The following ABCG5 variants were observed in gnomAD, a reference collection of about 807,000 sequenced individuals.
ABCG5 encodes ATP-binding cassette sub-family G member 5.
ABCG5 carries 64 observed loss-of-function variants against 64.5 expected under a neutral mutation model. The ratio of observed to expected loss-of-function variants is 0.99; its 90% CI spans 0.81 to 1.22. The LOEUF (loss-of-function observed/expected upper bound fraction) is 1.22, where lower values mean the gene tolerates loss of function less well. ABCG5 is among the 50% of genes most tolerant of loss of function. The pLI is 0.00. For missense variants in ABCG5, 908 were observed against 829.5 expected (o/e 1.09, Z -1.16); for synonymous variants, 385 against 326.3 (o/e 1.18, Z -1.94).
At chr2:43,837,982 A>C (rs773017768) in intron 1 of ABCG5, 27 bp from the exon 2 acceptor site, 18 of 1,613,012 alleles carry the variant, frequency 1.1e-5, no homozygotes, top group South Asian at 2.2e-5. Context: ...AGGAAGGCAA[A>C]GGCAGCTTGG....
intron 4 of ABCG5, chr2:43,828,562 T>C: frequency 2.9e-6 from 1 of 347,600 alleles, no homozygotes; most frequent in Non-Finnish European, 5.5e-6. Flanking sequence ...CTCAGGATGC[T>C]TAGGCAGGAG....
rs1219746511 is a variant in ABCG5 at position 43,828,084 on chromosome 2, C to T, written c.533G>A (p.Ser178Asn). The T allele has an allele frequency of 3.7e-6, 6 of 1,614,014 alleles. No individual in the cohort carries two copies. Among genetic ancestry groups the T allele is most frequent in the African/African-American group, 1.3e-5 (1 of 74,910 alleles). ...GCCAATCAGTCGGTCTGCCACATGG[C>T]TCAGACTCAGCTCTGCCATGACGGC... Reference protein sequence around the residue: ...VEAVMAELSLSHVADRLIGNY... With the variant: ...VEAVMAELSLNHVADRLIGNY... Residue 178 changes from serine (S) to asparagine (N), a missense_variant, in exon 5 of 13, where the codon AGC becomes AAC. Ser to Asn is a conservative substitution (Grantham distance 46). Coordinates refer to ENST00000405322, the MANE Select transcript of ABCG5 (RefSeq NM_022436.3).
At chr2:43,811,921 A>G (rs1398594243), downstream of ABCG5, among the ~76,000 whole-genome samples, 6 of 152,116 alleles carry the variant, frequency 3.9e-5, no homozygotes. Context: ...ACCTATTTAC[A>G]TTATTTTATC....
rs1572810229 is a variant in ABCG5 at position 43,838,348 on chromosome 2, A to G, written c.143+189T>C. On this transcript the variant is annotated intron_variant, in intron 1 of 12. Coordinates refer to ENST00000405322, the MANE Select transcript of ABCG5 (RefSeq NM_022436.3). The surrounding 1 kb of genome is among the most constrained non-coding windows in gnomAD (Gnocchi z 4.2). ...CCCAGGCCCTTCCCTGGGCAGGGGGAGGGGCCATTCACTGTCGCTCCATGT... is the reference window on the plus strand; with the variant it reads ...CCCAGGCCCTTCCCTGGGCAGGGGGGGGGGCCATTCACTGTCGCTCCATGT... The G allele has an allele frequency of 3.2e-6, 2 of 631,890 alleles. No individual in the cohort carries two copies. Among genetic ancestry groups the G allele is most frequent in the South Asian group, 2.0e-5 (1 of 50,658 alleles). The allele number at this position is 631,890 out of a possible 1,614,324, so 39.1% of individuals were successfully genotyped here. A position where few individuals can be genotyped will look rare whatever the true frequency, so the allele number is the denominator to read the frequency against.
At chr2:43,814,181 C>G (rs1013714763) in intron 12 of ABCG5, among the ~76,000 whole-genome samples, 1 of 152,136 alleles carries the variant, frequency 6.6e-6, no homozygotes, top group Non-Finnish European at 1.5e-5. Context: ...TCAGTAGATA[C>G]AGGAACTGAG....
chr2:43,816,001 G>C (rs918404120), intron 11 of ABCG5, among the ~76,000 whole-genome samples: 2 of 151,976 alleles, frequency 1.3e-5, no homozygotes, highest in African/African-American at 4.8e-5. Context: ...TGAGATGGTG[G>C]CTGCCTAGTG....
intron 4 of ABCG5, 142 bp from the exon 5 acceptor site, chr2:43,828,257 G>A (rs960103671): frequency 2.8e-6 from 3 of 1,067,600 alleles, no homozygotes; most frequent in Admixed American, 2.0e-5. Flanking sequence ...CCTGGGGAAA[G>A]CATGTCTTTG....
At chr2:43,832,263 G>T in intron 2 of ABCG5, 180 bp from the exon 3 acceptor site, 1 of 779,462 alleles carries the variant, frequency 1.3e-6, no homozygotes, top group Non-Finnish European at 2.1e-6. Context: ...CGCACTGTGC[G>T]TGCAGCAGTC....
intron 2 of ABCG5, among the ~76,000 whole-genome samples, chr2:43,834,967 A>G (rs1461942955): frequency 6.6e-6 from 1 of 152,252 alleles, no homozygotes; most frequent in Non-Finnish European, 1.5e-5. Flanking sequence ...ATGCAATACT[A>G]TGGAGTAATT....
chr2:43,825,315 A>G (rs1278843618), intron 6 of ABCG5, among the ~76,000 whole-genome samples: 7 of 152,142 alleles, frequency 4.6e-5, no homozygotes, highest in Non-Finnish European at 1.0e-4. Flanking sequence ...GCATGACTGG[A>G]CCTGGGCGTA....
At position 43,837,817 on chromosome 2, in the gene ABCG5, C is replaced by T. The variant is rs1668375304; in HGVS notation, c.265+17G>A. 2 of 1,613,490 alleles carry T rather than the reference C, an allele frequency of 1.2e-6. No individual in the cohort carries two copies. The highest frequency in any genetic ancestry group is 1.1e-5 in the South Asian group (1 of 91,044). The stretch of plus-strand genomic sequence containing the variant: ...CTCAAGCCAAATCCTTTTTAGAATC[C>T]TCCTTCCCAAGCTTACCTGAGCTTC... On this transcript the variant is annotated intron_variant, in intron 2 of 12. Coordinates refer to ENST00000405322, the MANE Select transcript of ABCG5 (RefSeq NM_022436.3).
At chr2:43,839,027 GC>G (rs776717501), upstream of ABCG5, 1 of 1,550,034 alleles carries the variant, frequency 6.5e-7, no homozygotes, top group South Asian at 1.2e-5. Context: ...GAGAGCTGCA[GC>G]CCAGGGTCAC....
upstream of ABCG5, chr2:43,839,010 G>A (rs2104901479): frequency 6.5e-7 from 1 of 1,536,550 alleles, no homozygotes; most frequent in Non-Finnish European, 8.8e-7. Flanking sequence ...GCAGCAGCTG[G>A]GTCTAAGAGA....
chr2:43,823,780 G>C (rs760612247), intron 9 of ABCG5, 133 bp downstream of exon 9: 12 of 1,038,000 alleles, frequency 1.2e-5, no homozygotes, highest in Non-Finnish European at 1.7e-5. Context: ...CCTTTCCCCA[G>C]AGAGGGAACC....
chr2:43,816,119 A>T (rs1269113393), intron 11 of ABCG5, among the ~76,000 whole-genome samples: 1 of 152,174 alleles, frequency 6.6e-6, no homozygotes. Flanking sequence ...TTGATATCAG[A>T]AAAGAAAACC....
At chr2:43,825,725 G>A (rs970756455) in intron 6 of ABCG5, among the ~76,000 whole-genome samples, 2 of 151,748 alleles carry the variant, frequency 1.3e-5, no homozygotes, top group African/African-American at 4.8e-5. Flanking sequence ...TCCTGCCTCA[G>A]CTTCCCGAAT....
downstream of ABCG5, chr2:43,810,505 G>A: frequency 3.0e-6 from 3 of 985,354 alleles, no homozygotes; most frequent in Non-Finnish European, 3.6e-6. Flanking sequence ...GTGTGTACCT[G>A]CTAGCCAAGT....
downstream of ABCG5, chr2:43,810,602 G>C (rs1001268404): frequency 2.4e-6 from 2 of 841,130 alleles, no homozygotes; most frequent in South Asian, 1.1e-4. Flanking sequence ...TTGACTCCCA[G>C]CTTCAGATAA....
the ABCG5 span, among the ~76,000 whole-genome samples, chr2:43,806,691 A>G: frequency 6.6e-6 from 1 of 152,224 alleles, no homozygotes; most frequent in Admixed American, 6.5e-5. Flanking sequence ...TATTAAGTTC[A>G]TATACATCAG....
Sources: gnomAD v4.1 joint callset for allele counts (sites outside exome capture counted in the v4.1 genomes callset) on GRCh38, gnomAD v4.1.1 for gene constraint, Gnocchi (gnomAD v3.1) non-coding constraint, MANE v1.5 for transcripts, NCBI Gene and HGNC (gene_info 2026-07-23, HGNC 2026-07-21) for gene names.